Variants in GLB1L3 observed in about 807,000 individuals in gnomAD.
GLB1L3 encodes the protein galactosidase beta 1 like 3, also known as beta-galactosidase-1-like protein 3.
GLB1L3 carries 89 observed loss-of-function variants against 89.5 expected under a neutral mutation model. The observed-to-expected ratio is 0.99, with a 90% CI of 0.84 to 1.19. GLB1L3 has a LOEUF of 1.19. GLB1L3 is among the 50% of genes most tolerant of loss of function. The probability of loss-of-function intolerance (pLI) is 0.00; values close to 1 mark genes in which losing one functional copy is unlikely to be tolerated. For synonymous variants in GLB1L3, 314 were observed against 312.3 expected (o/e 1.01, Z -0.06); for missense variants, 812 against 813.3 (o/e 1.00, Z 0.02).
intron 6 of GLB1L3, among the ~76,000 whole-genome samples, chr11:134,286,886 A>C (rs1941027569): frequency 6.6e-6 from 1 of 150,880 alleles, no homozygotes; most frequent in Non-Finnish European, 1.5e-5. Flanking sequence ...CCAGGCTGGG[A>C]GCTGTGGCTC....
chr11:134,282,168 CT>C, intron 5 of GLB1L3, 48 bp downstream of exon 5: 1 of 1,501,424 alleles, frequency 6.7e-7, no homozygotes, highest in Non-Finnish European at 8.9e-7. Flanking sequence ...GAAGTATTTG[CT>C]TTAAAAAAAG....
At chr11:134,310,479 C>A in intron 11 of GLB1L3, 92 bp from the exon 12 acceptor site, 2 of 891,054 alleles carry the variant, frequency 2.2e-6, no homozygotes, top group Non-Finnish European at 1.8e-6. Context: ...TTGTCTCACT[C>A]ACGGTGGCCC....
At chr11:134,306,935 A>G (rs1295091214) in intron 9 of GLB1L3, among the ~76,000 whole-genome samples, 189 bp from the exon 10 acceptor site, 5 of 152,256 alleles carry the variant, frequency 3.3e-5, no homozygotes, top group Non-Finnish European at 7.3e-5. Context: ...TTAGGAGTGG[A>G]GGAACCAGAG....
intron 14 of GLB1L3, among the ~76,000 whole-genome samples, 153 bp from the exon 15 acceptor site, chr11:134,312,663 A>T (rs1942793994): frequency 6.6e-6 from 1 of 152,104 alleles, no homozygotes; most frequent in Non-Finnish European, 1.5e-5. Flanking sequence ...CACCACTGAG[A>T]GTCTCTTGGG....
intron 6 of GLB1L3, among the ~76,000 whole-genome samples, chr11:134,284,918 C>G (rs1371263042): frequency 2.2e-5 from 3 of 139,388 alleles, no homozygotes; most frequent in Non-Finnish European, 4.6e-5. Context: ...AGGTGCCATG[C>G]ATTGCCTTTT....
chr11:134,286,593 G>A (rs570562001), intron 6 of GLB1L3, among the ~76,000 whole-genome samples: 3 of 151,862 alleles, frequency 2.0e-5, no homozygotes, highest in Middle Eastern at 3.5e-3. Context: ...TGGCTAACAC[G>A]GTGAAACCCC....
At chr11:134,284,878 T>C (rs1001724330) in intron 6 of GLB1L3, among the ~76,000 whole-genome samples, 1 of 151,996 alleles carries the variant, frequency 6.6e-6, no homozygotes, top group Non-Finnish European at 1.5e-5. Flanking sequence ...GCATTCTAGT[T>C]TGATTTACTC....
intron 10 of GLB1L3, among the ~76,000 whole-genome samples, chr11:134,308,467 C>T (rs1160776011): frequency 3.9e-4 from 7 of 18,004 alleles, no homozygotes; most frequent in Admixed American, 1.1e-3. Context: ...ACCACCACCA[C>T]CACCAAATAC....
downstream of GLB1L3, among the ~76,000 whole-genome samples, chr11:134,320,942 G>A (rs1034057557): frequency 1.4e-5 from 2 of 138,068 alleles, no homozygotes; most frequent in African/African-American, 5.5e-5. Flanking sequence ...ATTACATACT[G>A]TGGATGTCTT....
chr11:134,304,935 A>T (rs985988507), intron 9 of GLB1L3, among the ~76,000 whole-genome samples: 1 of 152,124 alleles, frequency 6.6e-6, no homozygotes, highest in Admixed American at 6.5e-5. Flanking sequence ...CTCATCTTTG[A>T]TGGAGATGAG....
Position 134,288,838 on chromosome 11 carries a change from A to G in GLB1L3, c.677A>G (p.Asn226Ser), listed in dbSNP as rs756560348. Reference protein sequence around the residue: ...AGPVIAVQVENEYGSFNKDKT... With the variant: ...AGPVIAVQVESEYGSFNKDKT... ...CCTGTCATCGCGGTGCAAGTGGAGA[A>G]TGAGTATGGCTCATTCAATAAGGAT... The change falls in exon 7 of 20, where the codon AAT (asparagine) becomes AGT (serine). Residue 226 changes from asparagine (N) to serine (S), a missense_variant. Asn to Ser is a conservative substitution (Grantham distance 46). This residue lies in a region of GLB1L3 where 618 missense variants were observed against 604.0 expected (regional missense o/e 1.02). Transcript: ENST00000431683. 4 of 1,613,632 alleles carry G rather than the reference A, an allele frequency of 2.5e-6. No individual in the cohort carries two copies. Among genetic ancestry groups the G allele is most frequent in the East Asian group, 2.2e-5 (1 of 44,854 alleles).
intron 15 of GLB1L3, among the ~76,000 whole-genome samples, 167 bp downstream of exon 15, chr11:134,313,054 G>T (rs920853644): frequency 2.6e-5 from 4 of 152,164 alleles, no homozygotes; most frequent in African/African-American, 9.7e-5. Context: ...TGCCTCCCAG[G>T]CCCTGGCCCC....
intron 4 of GLB1L3, 99 bp from the exon 5 acceptor site, chr11:134,281,926 G>A (rs975022376): frequency 1.2e-4 from 122 of 987,642 alleles, no homozygotes; most frequent in Middle Eastern, 3.3e-4. Context: ...CCGTCCCTTC[G>A]CCCCACCAGG....
chr11:134,312,557 G>C (rs1942787850), intron 14 of GLB1L3, 68 bp downstream of exon 14: 2 of 1,564,936 alleles, frequency 1.3e-6, no homozygotes, highest in African/African-American at 1.3e-5. Context: ...GGGCAGGGTA[G>C]TTGACTGAAG....
At chr11:134,276,373 G>A, upstream of GLB1L3, 1 of 218,714 alleles carries the variant, frequency 4.6e-6, no homozygotes, top group Non-Finnish European at 8.9e-6. Context: ...CCTCTCCCGC[G>A]CAGGCCTCCC....
chr11:134,308,410 C>T lies in GLB1L3; in HGVS notation c.961+1202C>T, dbSNP rs975857741. ...ACCATCACCACCATCACCATCACCA[C>T]CACCACCATCATCACCATCACCACC... is the stretch of plus-strand genomic sequence containing the variant. On this transcript the variant is annotated intron_variant, in intron 10 of 19. Coordinates refer to ENST00000431683, the MANE Select transcript of GLB1L3 (RefSeq NM_001080407.3). Among the ~76,000 whole-genome samples the T allele has an allele frequency of 5.6e-4, 52 of 92,590 alleles. 1 individual carries two copies. Among genetic ancestry groups the T allele is most frequent in the Admixed American group, 1.1e-3 (9 of 8,224 alleles). 60.7% of individuals were successfully genotyped at this position (92,590 alleles called of 152,430 possible).
rs530777132 is a variant in GLB1L3 at position 134,311,556 on chromosome 11, C to A, written c.1287+386C>A. The A allele has an allele frequency of 9.6e-5, 17 of 177,976 alleles. No homozygotes were observed. The South Asian group carries it at 2.4e-3, about 25-fold the overall frequency. The allele number at this position is 177,976 out of a possible 1,614,324, so 11.0% of individuals were successfully genotyped here. On this transcript the variant is annotated intron_variant, in intron 13 of 19. Transcript: ENST00000431683. ...TGAACTTCCTGGGTCACTGCTCCCC[C>A]TTTTCCATCAGCCTTCCTGTCCTAT...
Position 134,293,207 on chromosome 11 carries a change from C to G in GLB1L3, c.874C>G (p.Gln292Glu). ...TACTTTCAATCAGCTTCATAAAGTC[C>G]AGGTAAGACATTTCAGACAGGCAGG... ...QDTFNQLHKV[Q>E]RDKPLLIMEY... The change falls in exon 9 of 20, where the codon CAG becomes GAG. Residue 292 changes from glutamine (Q) to glutamate (E), a missense_variant and splice_region_variant. Transcript: ENST00000431683. 6.2e-7 allele frequency: 1 copy of G among 1,613,188 alleles called. No individual in the cohort carries two copies. The highest frequency in any genetic ancestry group is 8.5e-7 in the Non-Finnish European group (1 of 1,179,232).
chr11:134,312,475 C>T lies in GLB1L3; in HGVS notation c.1414C>T (p.His472Tyr). Residue 472 changes from histidine to tyrosine, a missense_variant, in exon 14 of 20, where the codon CAT becomes TAT. Physicochemically the swap from His to Tyr is moderately conservative, Grantham distance 83 (BLOSUM62 2). Around this residue, in one of 3 missense-constraint regions of GLB1L3, gnomAD observed 618 missense variants for 604.0 expected, o/e 1.02. Coordinates refer to ENST00000431683, the MANE Select transcript of GLB1L3 (RefSeq NM_001080407.3). ...CSGGRLRAHA[H>Y]DVAQVFLDET... ...CGGAGGCCGCCTCCGTGCCCACGCT[C>T]ATGACGTGGCACAGGTAGGGCCAGC... 3 of 1,612,694 alleles carry T rather than the reference C, an allele frequency of 1.9e-6. No homozygotes were observed. Among genetic ancestry groups the T allele is most frequent in the Non-Finnish European group, 1.7e-6 (2 of 1,179,876 alleles).
Sources: gnomAD v4.1 joint callset for allele counts (sites outside exome capture counted in the v4.1 genomes callset) on GRCh38, gnomAD v4.1.1 for gene constraint, gnomAD v4.1.1 regional missense constraint, MANE v1.5 for transcripts, NCBI Gene and HGNC (gene_info 2026-07-23, HGNC 2026-07-21) for gene names.